Variants in LRP2 observed in about 807,000 individuals in gnomAD.
LRP2 encodes low-density lipoprotein receptor-related protein 2.
Under a neutral mutation model 531.0 loss-of-function variants are expected in LRP2, and 172 were observed. That is an observed-to-expected ratio of 0.32 (90% CI 0.29 to 0.37). The LOEUF (loss-of-function observed/expected upper bound fraction) is 0.37. LRP2 is among the 10% of genes least tolerant of loss of function. The pLI, the probability that LRP2 is intolerant of heterozygous loss-of-function variation, is 1.00. For synonymous variants in LRP2, 1,992 were observed against 2,027.6 expected (o/e 0.98, Z 0.47); for missense variants, 5,167 against 5,868.3 (o/e 0.88, Z 3.90).
rs970975471 is a variant in LRP2, at chr2:169,294,804, T to C, written c.428-94A>G. 8.5e-5 allele frequency: 65 copies of C among 768,128 alleles called. No individual in the cohort carries two copies. In the South Asian group the frequency reaches 9.7e-4, roughly 12 times the overall value. The allele number at this position is 768,128 out of a possible 1,614,324, so 47.6% of individuals were successfully genotyped here. On this transcript the variant is annotated intron_variant, in intron 4 of 78. Transcript: ENST00000649046. The stretch of plus-strand genomic sequence containing the variant: ...GCAAACATTTATTGAGTGATTACTA[T>C]ATGCAAGTCACTAAATGCATATATT...
At chr2:169,180,046 T>C (rs1687371261) in intron 52 of LRP2, among the ~76,000 whole-genome samples, 2 of 152,186 alleles carry the variant, frequency 1.3e-5, no homozygotes, top group South Asian at 4.1e-4. Context: ...AACAGAATAT[T>C]GTGTAACTAG....
At chr2:169,179,389 G>C (rs1337356511) in intron 52 of LRP2, among the ~76,000 whole-genome samples, 1 of 152,112 alleles carries the variant, frequency 6.6e-6, no homozygotes, top group African/African-American at 2.4e-5. Context: ...TCTCTGTAGA[G>C]AGATCTCAGA....
intron 1 of LRP2, among the ~76,000 whole-genome samples, chr2:169,344,657 T>G (rs937914752): frequency 6.6e-6 from 1 of 152,176 alleles, no homozygotes; most frequent in Non-Finnish European, 1.5e-5. Context: ...TTTTATTATA[T>G]CCCTCATCGA....
At chr2:169,272,010 G>A (rs938137587) in intron 15 of LRP2, among the ~76,000 whole-genome samples, 4 of 152,152 alleles carry the variant, frequency 2.6e-5, no homozygotes, top group South Asian at 2.1e-4. Context: ...ATTAGACAAC[G>A]CACTATTGAT....
chr2:169,356,221 T>C (rs909319197), intron 1 of LRP2, among the ~76,000 whole-genome samples: 2 of 152,182 alleles, frequency 1.3e-5, no homozygotes, highest in African/African-American at 4.8e-5. Flanking sequence ...AACCTTCCTT[T>C]TTTGCCTCAG....
At chr2:169,193,396 A>C (rs1266476700) in intron 47 of LRP2, among the ~76,000 whole-genome samples, 6 of 147,748 alleles carry the variant, frequency 4.1e-5, no homozygotes, top group Non-Finnish European at 1.5e-5. Context: ...CCGCCACTGC[A>C]CTCCAGCCTG....
At chr2:169,137,357 C>T (rs1558971421) in intron 76 of LRP2, 35 bp downstream of exon 76, 1 of 1,343,036 alleles carries the variant, frequency 7.4e-7, no homozygotes, top group Non-Finnish European at 1.1e-6. Context: ...CCAGCGACAG[C>T]AGTAACTGAA....
At chr2:169,160,590 G>A (rs1382859640) in intron 63 of LRP2, among the ~76,000 whole-genome samples, 1 of 149,178 alleles carries the variant, frequency 6.7e-6, no homozygotes, top group Non-Finnish European at 1.5e-5. Context: ...TTAGTCCAGA[G>A]AAATAAGACT....
At chr2:169,360,260 C>T (rs1002796954) in intron 1 of LRP2, among the ~76,000 whole-genome samples, 1 of 151,586 alleles carries the variant, frequency 6.6e-6, no homozygotes, top group South Asian at 2.1e-4. Flanking sequence ...AGACAAATTA[C>T]TGAATTGTTC....
intron 40 of LRP2, 84 bp downstream of exon 40, chr2:169,205,939 T>A: frequency 6.6e-7 from 1 of 1,514,436 alleles, no homozygotes; most frequent in Non-Finnish European, 9.2e-7. Context: ...CCATAACACA[T>A]TGGCTATCTA....
chr2:169,216,541 CA>C, intron 34 of LRP2, 111 bp from the exon 35 acceptor site: 1 of 1,041,230 alleles, frequency 9.6e-7, no homozygotes, highest in Non-Finnish European at 1.5e-6. Flanking sequence ...ATACAATGGG[CA>C]AAGGCTGAAA....
intron 46 of LRP2, 22 bp downstream of exon 46, chr2:169,196,889 T>C (rs1039697709): frequency 2.5e-6 from 4 of 1,613,886 alleles, no homozygotes; most frequent in Non-Finnish European, 3.4e-6. Context: ...GTGATGTTTT[T>C]CATGCTTGCT....
chr2:169,210,527 C>G (rs922780870), intron 37 of LRP2, among the ~76,000 whole-genome samples: 3 of 152,186 alleles, frequency 2.0e-5, no homozygotes, highest in Admixed American at 6.5e-5. Context: ...TTCATGAGAA[C>G]TGCAGGGTAA....
In LRP2 at chr2:169,302,533, T is replaced by C. The variant is rs74724587; in HGVS notation, c.427+4748A>G. ...GGCAATGCTACAGACATCTAGTGGA[T>C]AGAGGCCAGGGATACTGTTAGACAT... On this transcript the variant is annotated intron_variant, in intron 4 of 78. Coordinates refer to ENST00000649046, the MANE Select transcript of LRP2 (RefSeq NM_004525.3). 7.6e-3 allele frequency among the ~76,000 whole-genome samples: 1,152 copies of C among 152,230 alleles called. 15 individuals are homozygous for C. Among genetic ancestry groups the C allele is most frequent in the African/African-American group, 0.025 (1,059 of 41,532 alleles).
intron 1 of LRP2, among the ~76,000 whole-genome samples, chr2:169,330,187 A>G (rs1267136803): frequency 1.3e-5 from 2 of 152,186 alleles, no homozygotes; most frequent in Admixed American, 1.3e-4. Flanking sequence ...ATTGCCAACA[A>G]CATCCTAGTG....
At chr2:169,335,396 G>A (rs894467588) in intron 1 of LRP2, among the ~76,000 whole-genome samples, 6 of 152,284 alleles carry the variant, frequency 3.9e-5, no homozygotes, top group South Asian at 2.1e-4. Flanking sequence ...CTTGGACATC[G>A]TTATCTTTCT....
intron 3 of LRP2, among the ~76,000 whole-genome samples, chr2:169,312,108 G>T (rs1190253657): frequency 6.6e-6 from 1 of 152,048 alleles, no homozygotes. Flanking sequence ...CTGCACGTGA[G>T]ATGGGTTTCC....
rs560996530 is a variant in LRP2, at chr2:169,254,914, C to T, written c.2770+1192G>A. Among the ~76,000 whole-genome samples the T allele has an allele frequency of 5.9e-5, 9 of 151,890 alleles. No individual in the cohort carries two copies. In the East Asian group the frequency reaches 7.8e-4, roughly 13 times the overall value. On this transcript the variant is annotated intron_variant, in intron 19 of 78. Coordinates refer to ENST00000649046, the MANE Select transcript of LRP2 (RefSeq NM_004525.3). ...ATGGATGGCAGCGGCGGGAGGGGGA[C>T]GGGAGGAGTATTTATAATTAACTCA...
chr2:169,161,548 C>A lies in LRP2; in HGVS notation c.11887+924G>T, dbSNP rs1007155162. Among the ~76,000 whole-genome samples the A allele has an allele frequency of 3.3e-5, 5 of 152,246 alleles. No homozygotes were observed. The East Asian group carries it at 5.8e-4, about 18-fold the overall frequency. On this transcript the variant is annotated intron_variant, in intron 63 of 78. Transcript: ENST00000649046. ...CTGGAGTACAGTGGCACAATCACAG[C>A]TCACTGCAGCCCCTACCTGCACTCA...
Sources: gnomAD v4.1 joint callset for allele counts (sites outside exome capture counted in the v4.1 genomes callset) on GRCh38, gnomAD v4.1.1 for gene constraint, MANE v1.5 for transcripts, NCBI Gene and HGNC (gene_info 2026-07-23, HGNC 2026-07-21) for gene names.